PPARG: variants seen among roughly 807,000 people sequenced by gnomAD.
PPARG encodes the protein peroxisome proliferator-activated receptor gamma.
Under a neutral mutation model 39.2 loss-of-function variants are expected in PPARG, and 17 were observed. The ratio of observed to expected loss-of-function variants is 0.43; its 90% CI spans 0.30 to 0.65. PPARG has a LOEUF of 0.65. Ranked by LOEUF, PPARG falls within the 30% of genes least tolerant of loss-of-function variation. The probability of loss-of-function intolerance (pLI) is 0.13; values close to 1 mark genes in which losing one functional copy is unlikely to be tolerated. For synonymous variants in PPARG, 223 were observed against 215.7 expected, an observed-to-expected ratio of 1.03 and a Z score of -0.30; for missense variants, 406 against 585.9, an observed-to-expected ratio of 0.69 and a Z score of 3.17.
intron 2 of PPARG, among the ~76,000 whole-genome samples, chr3:12,320,007 G>T (rs1413445612): frequency 2.0e-5 from 3 of 152,104 alleles, no homozygotes; most frequent in Non-Finnish European, 2.9e-5. Context: ...CGAGCTAACA[G>T]TCACCGGTAC....
chr3:12,305,803 A>G (rs950140580), intron 1 of PPARG: 1 of 152,242 alleles, frequency 6.6e-6, no homozygotes, highest in Admixed American at 6.5e-5. Flanking sequence ...AAATGTAACC[A>G]TACAATTTCA....
At chr3:12,404,448 A>G (rs908615614) in intron 5 of PPARG, among the ~76,000 whole-genome samples, 10 of 152,212 alleles carry the variant, frequency 6.6e-5, no homozygotes, top group African/African-American at 1.9e-4. Context: ...CAGATGGGAA[A>G]GTTGTCGTGT....
At chr3:12,298,228 G>A (rs1430739913) in intron 1 of PPARG, among the ~76,000 whole-genome samples, 1 of 136,354 alleles carries the variant, frequency 7.3e-6, no homozygotes, top group African/African-American at 2.7e-5. Flanking sequence ...GAACCCGGGA[G>A]GCAGAGCTTG....
At chr3:12,289,405 T>C (rs2046594155) in intron 1 of PPARG, among the ~76,000 whole-genome samples, 1 of 152,232 alleles carries the variant, frequency 6.6e-6, no homozygotes, top group Admixed American at 6.5e-5. Context: ...TAAAGTTTAT[T>C]TGTGTAAATT....
chr3:12,386,767 C>T (rs182698135), intron 4 of PPARG, among the ~76,000 whole-genome samples: 5 of 152,168 alleles, frequency 3.3e-5, no homozygotes, highest in Admixed American at 2.0e-4. Context: ...ATGTGCACAA[C>T]GTGCAGGTTT....
chr3:12,358,793 G>T (rs1167825716), intron 2 of PPARG, among the ~76,000 whole-genome samples: 3 of 152,194 alleles, frequency 2.0e-5, no homozygotes, highest in Non-Finnish European at 4.4e-5. Flanking sequence ...TATGTAAACA[G>T]TTAACTCAGG....
intron 6 of PPARG, among the ~76,000 whole-genome samples, chr3:12,414,260 C>T (rs2050982541): frequency 6.6e-6 from 1 of 152,140 alleles, no homozygotes; most frequent in African/African-American, 2.4e-5. Context: ...ATTTGTACTC[C>T]TGCATGTGCA....
At chr3:12,404,306 A>G (rs1366456246) in intron 5 of PPARG, among the ~76,000 whole-genome samples, 1 of 152,194 alleles carries the variant, frequency 6.6e-6, no homozygotes, top group Non-Finnish European at 1.5e-5. Flanking sequence ...GGAGGCCCCT[A>G]CCAAACAATA....
intron 5 of PPARG, among the ~76,000 whole-genome samples, chr3:12,394,784 A>G (rs768534897): frequency 5.9e-5 from 9 of 152,252 alleles, no homozygotes; most frequent in Non-Finnish European, 1.2e-4. Context: ...TTCTAAATAC[A>G]AAGTTTTCTA....
intron 7 of PPARG, among the ~76,000 whole-genome samples, chr3:12,424,304 G>T (rs1247993624): frequency 6.6e-6 from 1 of 152,178 alleles, no homozygotes; most frequent in Non-Finnish European, 1.5e-5. Flanking sequence ...AAATATAGAA[G>T]CATCTTTATC....
At chr3:12,404,394 C>A (rs2050583712) in intron 5 of PPARG, among the ~76,000 whole-genome samples, 1 of 152,154 alleles carries the variant, frequency 6.6e-6, no homozygotes, top group Non-Finnish European at 1.5e-5. Context: ...GGGTACATGT[C>A]AGTTTCTTCT....
intron 2 of PPARG, among the ~76,000 whole-genome samples, chr3:12,324,405 A>G (rs1169125528): frequency 6.6e-6 from 1 of 152,284 alleles, no homozygotes; most frequent in Middle Eastern, 3.4e-3. Flanking sequence ...GATAAGAGAA[A>G]GGTGTCAGGC....
intron 1 of PPARG, among the ~76,000 whole-genome samples, chr3:12,310,948 T>C (rs982509929): frequency 2.0e-5 from 3 of 152,058 alleles, no homozygotes; most frequent in African/African-American, 7.2e-5. Flanking sequence ...TAGAGTGTGT[T>C]TATGTAAATT....
At chr3:12,297,156 G>T (rs555659194) in intron 1 of PPARG, among the ~76,000 whole-genome samples, 1 of 152,166 alleles carries the variant, frequency 6.6e-6, no homozygotes, top group African/African-American at 2.4e-5. Flanking sequence ...ATATCCAACA[G>T]TAGGGAGATG....
intron 2 of PPARG, among the ~76,000 whole-genome samples, chr3:12,358,147 T>C (rs2048726097): frequency 6.6e-6 from 1 of 152,226 alleles, no homozygotes; most frequent in Non-Finnish European, 1.5e-5. Flanking sequence ...TGAGTAGCAT[T>C]CATTGAATAT....
At chr3:12,290,564 A>C (rs879701432) in intron 1 of PPARG, among the ~76,000 whole-genome samples, 1 of 152,178 alleles carries the variant, frequency 6.6e-6, no homozygotes, top group Non-Finnish European at 1.5e-5. Context: ...CAATATTTCT[A>C]AATTCCTATG....
At chr3:12,429,055 C>A (rs1351653316) in intron 7 of PPARG, among the ~76,000 whole-genome samples, 5 of 152,282 alleles carry the variant, frequency 3.3e-5, no homozygotes, top group African/African-American at 1.2e-4. Flanking sequence ...CTTTTCTCTG[C>A]TGCCCTCCTT....
intron 4 of PPARG, among the ~76,000 whole-genome samples, chr3:12,391,199 A>C (rs1438493909): frequency 6.6e-6 from 1 of 152,224 alleles, no homozygotes; most frequent in Non-Finnish European, 1.5e-5. Context: ...CAGGGGTATA[A>C]GAGACTATTC....
intron 2 of PPARG, among the ~76,000 whole-genome samples, chr3:12,325,445 A>T (rs1227107401): frequency 6.6e-6 from 1 of 151,888 alleles, no homozygotes; most frequent in Non-Finnish European, 1.5e-5. Flanking sequence ...AAATAAAAGT[A>T]TAAAAAACGA....
Sources: allele counts gnomAD v4.1 joint callset (sites outside exome capture counted in the v4.1 genomes callset), GRCh38; gene constraint gnomAD v4.1.1; transcripts MANE v1.5; gene names NCBI Gene and HGNC (gene_info 2026-07-23, HGNC 2026-07-21).